The following RDH10 variants were observed in gnomAD, a reference collection of about 807,000 sequenced individuals.
The protein encoded by RDH10 is retinol dehydrogenase 10, also known as retinol dehydrogenase 10 (all-trans).
RDH10 carries 12 observed loss-of-function variants against 30.2 expected under a neutral mutation model. The observed-to-expected ratio is 0.40, with a 90% CI of 0.25 to 0.64. The LOEUF is 0.64. RDH10 is among the 30% of genes least tolerant of loss of function. RDH10 has a pLI of 0.43. For missense variants in RDH10, 268 were observed against 445.2 expected, an observed-to-expected ratio of 0.60 and a Z score of 3.58; for synonymous variants, 189 against 172.2, an observed-to-expected ratio of 1.10 and a Z score of -0.76.
intron 2 of RDH10, 31 bp downstream of exon 2, chr8:73,297,460 G>C: frequency 6.7e-7 from 1 of 1,491,034 alleles, no homozygotes; most frequent in Non-Finnish European, 9.4e-7. Flanking sequence ...TTTCTTTGCT[G>C]GGCCCTCCTT....
intron 2 of RDH10, among the ~76,000 whole-genome samples, chr8:73,302,693 G>T (rs1460661320): frequency 6.6e-6 from 1 of 152,040 alleles, no homozygotes; most frequent in African/African-American, 2.4e-5. Context: ...CTCAAAAAAA[G>T]GAAAAGAAAA....
intron 2 of RDH10, chr8:73,300,293 T>C (rs530590462): frequency 3.2e-4 from 49 of 152,376 alleles, no homozygotes; most frequent in Admixed American, 1.2e-3. Flanking sequence ...GTATAGATTT[T>C]ACAGTGAATT....
At position 73,322,998 on chromosome 8, in the gene RDH10, C is replaced by G. The variant is rs754573984; in HGVS notation, c.988C>G (p.Gln330Glu). Reference protein sequence around the residue: ...CMYPFIAQRKQATNNNEAKNG... With the variant: ...CMYPFIAQRKEATNNNEAKNG... The stretch of plus-strand genomic sequence containing the variant: ...GTACCCCTTTATTGCTCAAAGAAAG[C>G]AAGCCACAAACAATAATGAAGCAAA... Residue 330 changes from glutamine (Q) to glutamate (E), a missense_variant, in exon 6 of 6, where the codon CAA becomes GAA. This residue lies in a region of RDH10 where 136 missense variants were observed against 288.8 expected (regional missense o/e 0.47). Coordinates refer to ENST00000240285, the MANE Select transcript of RDH10 (RefSeq NM_172037.5). The G allele has an allele frequency of 6.2e-7, 1 of 1,610,152 alleles. No individual in the cohort carries two copies. The highest frequency in any genetic ancestry group is 2.2e-5 in the East Asian group (1 of 44,526).
chr8:73,322,844 T>TCTCCATGCCTGCCCGATG (rs777392440), intron 5 of RDH10, 34 bp downstream of exon 5: 4 of 1,613,878 alleles, frequency 2.5e-6, no homozygotes, highest in Non-Finnish European at 3.4e-6. Flanking sequence ...TGACTGGGTC[T>TCTCCATGCCTGCCCGATG]CTCCATGCCT....
rs991118612 is a variant in RDH10 at position 73,321,024 on chromosome 8, C to A, written c.717C>A (p.Thr239=). 6.2e-7 allele frequency: 1 copy of A among 1,614,018 alleles called. No homozygotes were observed. The highest frequency in any genetic ancestry group is 2.2e-5 in the East Asian group (1 of 44,892). ...CTGAAAAGGATGGAATTAAAACAAC[C>A]TTGGTTTGCCCTTATCTTGTAGACA... The part of the protein sequence containing the change: ...KAAEKDGIKT[T]LVCPYLVDTG... Residue 239 remains threonine, a synonymous_variant, in exon 4 of 6, where the codon ACC becomes ACA. Transcript: ENST00000240285.
chr8:73,313,630 C>T (rs1003127930), intron 2 of RDH10, among the ~76,000 whole-genome samples: 2 of 152,012 alleles, frequency 1.3e-5, no homozygotes, highest in Non-Finnish European at 2.9e-5. Context: ...ATCCCTAGGC[C>T]CCTTCCAACT....
At chr8:73,321,709 A>T (rs1387718872) in intron 4 of RDH10, 2 of 426,200 alleles carry the variant, frequency 4.7e-6, no homozygotes, top group Admixed American at 5.0e-5. Context: ...ACTGTGAATC[A>T]TTAAGAGGAT....
At chr8:73,296,963 C>T (rs1039856714) in intron 1 of RDH10, 7 of 492,338 alleles carry the variant, frequency 1.4e-5, no homozygotes, top group African/African-American at 3.9e-5. Flanking sequence ...AATTACATGA[C>T]TTTCCCCTAA....
At chr8:73,313,567 C>T (rs142978857) in intron 2 of RDH10, among the ~76,000 whole-genome samples, 285 of 152,202 alleles carry the variant, frequency 1.9e-3, no homozygotes, top group African/African-American at 6.6e-3. Context: ...TCTAGCTCTA[C>T]ATTTAATAGC....
chr8:73,300,110 G>A (rs1814349500), intron 2 of RDH10, among the ~76,000 whole-genome samples: 1 of 152,072 alleles, frequency 6.6e-6, no homozygotes, highest in African/African-American at 2.4e-5. Context: ...TTAAAATATG[G>A]GAGGCTCCTG....
At chr8:73,302,112 C>T (rs1032378422) in intron 2 of RDH10, among the ~76,000 whole-genome samples, 15 of 152,206 alleles carry the variant, frequency 9.9e-5, no homozygotes, top group Non-Finnish European at 2.9e-5. Context: ...CTTTGGAAGC[C>T]TTTCCTCAGC....
chr8:73,317,740 A>G (rs1814697922), intron 2 of RDH10, among the ~76,000 whole-genome samples: 1 of 152,042 alleles, frequency 6.6e-6, no homozygotes, highest in East Asian at 1.9e-4. Flanking sequence ...GGGCAACATA[A>G]TGAGACCCCT....
rs1186493564 is a variant in RDH10, at chr8:73,322,994, A to C, written c.984A>C (p.Arg328Ser). 2 of 1,613,914 alleles carry C rather than the reference A, an allele frequency of 1.2e-6. No homozygotes were observed. The highest frequency in any genetic ancestry group is 1.7e-6 in the Non-Finnish European group (2 of 1,179,764). Reference protein sequence around the residue: ...DKCMYPFIAQRKQATNNNEAK... With the variant: ...DKCMYPFIAQSKQATNNNEAK... ...GTATGTACCCCTTTATTGCTCAAAG[A>C]AAGCAAGCCACAAACAATAATGAAG... The change falls in exon 6 of 6, where the codon AGA (arginine) becomes AGC (serine). Residue 328 changes from arginine (R) to serine (S), a missense_variant. Arg to Ser is a moderately radical substitution (Grantham distance 110). Coordinates refer to ENST00000240285, the MANE Select transcript of RDH10 (RefSeq NM_172037.5).
rs139113748 is a variant in RDH10 at position 73,317,645 on chromosome 8, G to A, written c.526-1451G>A. Among the ~76,000 whole-genome samples, 1,396 of 152,286 alleles carry A rather than the reference G, an allele frequency of 9.2e-3. 22 individuals are homozygous for A. Among genetic ancestry groups the A allele is most frequent in the African/African-American group, 0.032 (1,327 of 41,560 alleles). On this transcript the variant is annotated intron_variant, in intron 2 of 5. Transcript: ENST00000240285. ...ATTATAACAAATTAGATAAGGCCAAGGGCAGTGGCTCACGCCTGTAATCCC... is the reference window on the plus strand; with the variant it reads ...ATTATAACAAATTAGATAAGGCCAAAGGCAGTGGCTCACGCCTGTAATCCC...
chr8:73,302,495 TG>T (rs2130360264), intron 2 of RDH10, among the ~76,000 whole-genome samples: 2 of 152,162 alleles, frequency 1.3e-5, no homozygotes, highest in South Asian at 4.1e-4. Context: ...AGACCAGCGT[TG>T]GCAACATGGC....
chr8:73,322,129 C>G (rs1266108316), intron 4 of RDH10: 16 of 396,438 alleles, frequency 4.0e-5, no homozygotes, highest in African/African-American at 1.7e-4. Context: ...AAATTGCACA[C>G]TATCATTTCA....
rs1167497553 is a variant in RDH10 at position 73,321,931 on chromosome 8, T to G, written c.771-748T>G. The G allele has an allele frequency of 1.1e-5, 5 of 456,272 alleles. No individual in the cohort carries two copies. In the Admixed American group the frequency reaches 1.2e-4, roughly 11 times the overall value. The allele number at this position is 456,272 out of a possible 1,614,324, so 28.3% of individuals were successfully genotyped here. On this transcript the variant is annotated intron_variant, in intron 4 of 5. Coordinates refer to ENST00000240285, the MANE Select transcript of RDH10 (RefSeq NM_172037.5). ...GGAAAATGGACTCTAGCTCTGCCTCTTATCCCACACATGTGTGTGTCTGTG... is the reference window on the plus strand; with the variant it reads ...GGAAAATGGACTCTAGCTCTGCCTCGTATCCCACACATGTGTGTGTCTGTG...
intron 2 of RDH10, among the ~76,000 whole-genome samples, chr8:73,302,285 C>T (rs2925454): frequency 1.3e-5 from 2 of 152,148 alleles, no homozygotes; most frequent in Non-Finnish European, 2.9e-5. Flanking sequence ...GTGAAACACC[C>T]AGTACAAGAC....
chr8:73,322,532 GAAAATACAGA>G, intron 4 of RDH10, 137 bp from the exon 5 acceptor site: 1 of 698,652 alleles, frequency 1.4e-6, no homozygotes, highest in East Asian at 2.8e-5. Context: ...GGAAAATTTG[GAAAATACAGA>G]AAAGCACTAT....
Sources: gnomAD v4.1 joint callset for allele counts (sites outside exome capture counted in the v4.1 genomes callset) on GRCh38, gnomAD v4.1.1 for gene constraint, gnomAD v4.1.1 regional missense constraint, MANE v1.5 for transcripts, NCBI Gene and HGNC (gene_info 2026-07-23, HGNC 2026-07-21) for gene names.